DCUN1D3: variants seen among roughly 807,000 people sequenced by gnomAD.
The protein encoded by DCUN1D3 is DCN1-like protein 3.
DCUN1D3 carries 6 observed loss-of-function variants against 24.8 expected under a neutral mutation model. The observed-to-expected ratio is 0.24, with a 90% CI of 0.13 to 0.48. DCUN1D3 has a LOEUF of 0.48. Among genes scored for constraint, DCUN1D3 ranks in the 20% least tolerant of loss-of-function variants. The pLI is 0.99. For missense variants in DCUN1D3, 258 were observed against 379.4 expected (o/e 0.68, Z 2.66); for synonymous variants, 120 against 144.9 (o/e 0.83, Z 1.24).
chr16:20,893,074 G>A (rs772525356), intron 1 of DCUN1D3, among the ~76,000 whole-genome samples: 18 of 152,208 alleles, frequency 1.2e-4, no homozygotes, highest in Non-Finnish European at 2.4e-4. Context: ...TTTGAGAGAT[G>A]CAGTGCAACA....
chr16:20,896,202 G>A (rs766289406), intron 1 of DCUN1D3: 1 of 152,024 alleles, frequency 6.6e-6, no homozygotes, highest in East Asian at 1.9e-4. Context: ...CTTATGATGG[G>A]GTTATAAAAG....
chr16:20,896,087 G>T (rs929835731), intron 1 of DCUN1D3, among the ~76,000 whole-genome samples: 1 of 152,104 alleles, frequency 6.6e-6, no homozygotes, highest in African/African-American at 2.4e-5. Flanking sequence ...TGCCAAACAT[G>T]CCAAACATGC....
chr16:20,895,926 C>A (rs1249386774), intron 1 of DCUN1D3, among the ~76,000 whole-genome samples: 1 of 152,214 alleles, frequency 6.6e-6, no homozygotes, highest in East Asian at 1.9e-4. Flanking sequence ...GCAACTACTG[C>A]ACAATTAAAT....
chr16:20,867,303 G>C (rs1296256462), intron 1 of DCUN1D3, among the ~76,000 whole-genome samples: 1 of 152,116 alleles, frequency 6.6e-6, no homozygotes, highest in Non-Finnish European at 1.5e-5. Context: ...AGCAACCCCA[G>C]AGCAGCAAAT....
intron 1 of DCUN1D3, among the ~76,000 whole-genome samples, chr16:20,886,064 GA>G (rs34484157): frequency 8.3e-4 from 113 of 136,466 alleles, no homozygotes; most frequent in East Asian, 2.0e-3. Flanking sequence ...TTTTTTCATT[GA>G]AAAAAAAAAA....
intron 1 of DCUN1D3, among the ~76,000 whole-genome samples, chr16:20,889,209 A>C (rs1274472218): frequency 7.4e-6 from 1 of 134,400 alleles, no homozygotes; most frequent in African/African-American, 2.8e-5. Context: ...TAGGTGACAA[A>C]GTGAGACTCC....
chr16:20,875,209 T>TGCAC (rs1555497069), intron 1 of DCUN1D3, among the ~76,000 whole-genome samples: 2 of 96,082 alleles, frequency 2.1e-5, no homozygotes, highest in African/African-American at 3.9e-5. Flanking sequence ...CGTGCGCTCA[T>TGCAC]GCACACACAC....
intron 1 of DCUN1D3, among the ~76,000 whole-genome samples, chr16:20,880,698 G>A (rs1379461490): frequency 2.6e-5 from 4 of 151,078 alleles, no homozygotes; most frequent in African/African-American, 7.3e-5. Flanking sequence ...AGAATCAAAT[G>A]GAAAATAAGC....
At chr16:20,891,330 C>A in intron 1 of DCUN1D3, among the ~76,000 whole-genome samples, 1 of 152,192 alleles carries the variant, frequency 6.6e-6, no homozygotes, top group East Asian at 1.9e-4. Context: ...ACAGTTCCCA[C>A]AAGAGAATCA....
chr16:20,878,958 G>A lies in DCUN1D3; in HGVS notation c.-105-16315C>T, dbSNP rs574223808. On this transcript the variant is annotated intron_variant, in intron 1 of 2. Transcript: ENST00000324344. Reference sequence around the variant, plus strand: ...AAAGCAAAGGGCAGATTCCACCTCCGCTGGCTGGCAGACCCACACATTCTG... The same window carrying A: ...AAAGCAAAGGGCAGATTCCACCTCCACTGGCTGGCAGACCCACACATTCTG... Among the ~76,000 whole-genome samples the A allele has an allele frequency of 3.1e-4, 47 of 152,238 alleles. 1 individual carries two copies. Among genetic ancestry groups the A allele is most frequent in the Admixed American group, 1.4e-3 (21 of 15,300 alleles).
chr16:20,884,294 C>T (rs1166384695), intron 1 of DCUN1D3, among the ~76,000 whole-genome samples: 1 of 152,096 alleles, frequency 6.6e-6, no homozygotes, highest in Non-Finnish European at 1.5e-5. Flanking sequence ...AGATCTTAAC[C>T]AAGACAAACT....
chr16:20,877,907 C>G (rs1380667796), intron 1 of DCUN1D3, among the ~76,000 whole-genome samples: 4 of 152,188 alleles, frequency 2.6e-5, no homozygotes, highest in Non-Finnish European at 4.4e-5. Flanking sequence ...ACGATCCTCC[C>G]ACCTTAGCCT....
Position 20,900,222 on chromosome 16 carries a change from T to G in DCUN1D3, c.-124A>C, listed in dbSNP as rs1443375490. On this transcript the variant is annotated 5_prime_UTR_variant, in exon 1 of 3. Coordinates refer to ENST00000324344, the MANE Select transcript of DCUN1D3 (RefSeq NM_173475.4). ...AACTCACAGCTGCTCCAGAGGTTCCTCCAGTCAAACCCTTTCTGGAAACGA... is the reference window on the plus strand; with the variant it reads ...AACTCACAGCTGCTCCAGAGGTTCCGCCAGTCAAACCCTTTCTGGAAACGA... 7.2e-6 allele frequency: 1 copy of G among 138,072 alleles called. No homozygotes were observed. The allele number at this position is 138,072 out of a possible 1,614,324, so 8.6% of individuals were successfully genotyped here.
chr16:20,862,060 C>A (rs1242824566), intron 2 of DCUN1D3, 48 bp downstream of exon 2: 1 of 1,593,590 alleles, frequency 6.3e-7, no homozygotes, highest in South Asian at 1.1e-5. Flanking sequence ...CAATGCTGTT[C>A]CCTTTCCTCC....
At chr16:20,863,590 A>G (rs2081744667) in intron 1 of DCUN1D3, among the ~76,000 whole-genome samples, 1 of 152,138 alleles carries the variant, frequency 6.6e-6, no homozygotes, top group South Asian at 2.1e-4. Flanking sequence ...CGAAAAATAG[A>G]AAAAAATTAG....
In DCUN1D3 at chr16:20,859,704, C is replaced by A; in HGVS notation, c.*182G>T. 1 of 799,262 alleles carries A rather than the reference C, an allele frequency of 1.3e-6. No individual in the cohort carries two copies. Among genetic ancestry groups the A allele is most frequent in the Non-Finnish European group, 1.8e-6 (1 of 555,310 alleles). The allele number at this position is 799,262 out of a possible 1,614,324, so 49.5% of individuals were successfully genotyped here. On this transcript the variant is annotated 3_prime_UTR_variant, in exon 3 of 3. Coordinates refer to ENST00000324344, the MANE Select transcript of DCUN1D3 (RefSeq NM_173475.4). The stretch of plus-strand genomic sequence containing the variant: ...CCAAAAAGGAAATAACCAAAATAAC[C>A]AAAAAAATGAAGAAAGTGCCTAAAA...
In DCUN1D3 at chr16:20,862,428, A is replaced by C. The variant is rs752333335; in HGVS notation, c.111T>G (p.Arg37=). 1.9e-6 allele frequency: 3 copies of C among 1,613,696 alleles called. No homozygotes were observed. The highest frequency in any genetic ancestry group is 1.7e-6 in the Non-Finnish European group (2 of 1,180,012). The change falls in exon 2 of 3, where the codon CGT becomes CGG. Residue 37 remains arginine (R), a synonymous_variant. Coordinates refer to ENST00000324344, the MANE Select transcript of DCUN1D3 (RefSeq NM_173475.4). ...TGCCACAGGGTGGTACCTGCTCCTCACGGTGGCCTGCACCCCTCCTGCTAT... is the reference window on the plus strand; with the variant it reads ...TGCCACAGGGTGGTACCTGCTCCTCCCGGTGGCCTGCACCCCTCCTGCTAT... ...KSHSRRGAGH[R]EEQVPPCGKP... is the part of the protein sequence containing the mutation.
In DCUN1D3 at chr16:20,859,560, C is replaced by CAAAAAAAA. The variant is rs1228222275; in HGVS notation, c.*318_*325dup. 3 of 85,874 alleles carry CAAAAAAAA rather than the reference C, an allele frequency of 3.5e-5. No homozygotes were observed. Among genetic ancestry groups the CAAAAAAAA allele is most frequent in the African/African-American group, 9.6e-5 (2 of 20,916 alleles). The allele number at this position is 85,874 out of a possible 1,614,324, so 5.3% of individuals were successfully genotyped here. A position where few individuals can be genotyped will look rare whatever the true frequency, so the allele number is the denominator to read the frequency against. ...CCTACCAAAAAAAAAAAAAAAAAAA[C>CAAAAAAAA]AAAAAAAAACAAAAAAAAAACCTAA... is the stretch of plus-strand genomic sequence containing the variant. On this transcript the variant is annotated 3_prime_UTR_variant, in exon 3 of 3. Coordinates refer to ENST00000324344, the MANE Select transcript of DCUN1D3 (RefSeq NM_173475.4).
intron 1 of DCUN1D3, among the ~76,000 whole-genome samples, chr16:20,864,584 G>C (rs1024352865): frequency 6.6e-6 from 1 of 152,104 alleles, no homozygotes; most frequent in African/African-American, 2.4e-5. Flanking sequence ...GCAGTATGGT[G>C]ATTCCTCAAA....
Sources: gnomAD v4.1 joint callset for allele counts (sites outside exome capture counted in the v4.1 genomes callset) on GRCh38, gnomAD v4.1.1 for gene constraint, MANE v1.5 for transcripts, NCBI Gene and HGNC (gene_info 2026-07-23, HGNC 2026-07-21) for gene names.